Variants in MYH15 observed in about 807,000 individuals in gnomAD.
MYH15 encodes the protein myosin heavy chain 15.
In MYH15, 227 loss-of-function variants were observed where a neutral mutation model predicts 240.5. The ratio of observed to expected loss-of-function variants is 0.94; its 90% CI spans 0.85 to 1.05. The LOEUF (loss-of-function observed/expected upper bound fraction) is 1.05, where lower values mean the gene tolerates loss of function less well. MYH15 is among the 50% of genes least tolerant of loss of function. MYH15 has a pLI of 0.00. For synonymous variants in MYH15, 785 were observed against 796.7 expected (o/e 0.99, Z 0.25); for missense variants, 2,217 against 2,247.5 (o/e 0.99, Z 0.27).
rs1166805441 is a variant in MYH15, at chr3:108,391,816, C to G, written c.5374G>C (p.Ala1792Pro). ...ITDLQKRLAEAEQMALMGSRK... is the reference protein window; with the variant it reads ...ITDLQKRLAEPEQMALMGSRK... ...CTCCCCATCAGGGCCATCTGTTCAG[C>G]TTCAGCCAGCCTTTTCTGTAAGTCT... The change falls in exon 37 of 41, where the codon GCT becomes CCT. Residue 1792 changes from alanine to proline, a missense_variant. Physicochemically the swap from Ala to Pro is conservative, Grantham distance 27. Transcript: ENST00000693548. 1.2e-6 allele frequency: 2 copies of G among 1,614,016 alleles called. No individual in the cohort carries two copies. Among genetic ancestry groups the G allele is most frequent in the Non-Finnish European group, 1.7e-6 (2 of 1,180,012 alleles).
At chr3:108,381,737 TG>T (rs1376026613) in intron 40 of MYH15, among the ~76,000 whole-genome samples, 178 bp from the exon 41 acceptor site, 1 of 152,196 alleles carries the variant, frequency 6.6e-6, no homozygotes, top group African/African-American at 2.4e-5. Flanking sequence ...AAGCAGACCC[TG>T]GTAATTCACC....
At chr3:108,480,027 TAAAC>T (rs1181903043) in intron 11 of MYH15, among the ~76,000 whole-genome samples, 2 of 151,996 alleles carry the variant, frequency 1.3e-5, no homozygotes, top group African/African-American at 4.8e-5. Flanking sequence ...AGAAGATAAA[TAAAC>T]AAGGCAAAAA....
rs778530962 is a variant in MYH15 at position 108,383,748 on chromosome 3, A to AG, written c.5632-20_5632-19insC. ...GTGTTTCCTATAAAAATAAAAAAAA[A>AG]AAAAAAGAAATCTCCATGCCTATAT... On this transcript the variant is annotated intron_variant, in intron 39 of 40. Transcript: ENST00000693548. The AG allele has an allele frequency of 2.6e-6, 4 of 1,536,374 alleles. No individual in the cohort carries two copies. The highest frequency in any genetic ancestry group is 2.8e-5 in the African/African-American group (2 of 71,214).
At chr3:108,385,250 A>T (rs2082372770) in intron 38 of MYH15, among the ~76,000 whole-genome samples, 1 of 152,236 alleles carries the variant, frequency 6.6e-6, no homozygotes, top group Non-Finnish European at 1.5e-5. Context: ...TAAAAGCCAC[A>T]TATGCAAAAC....
At position 108,451,113 on chromosome 3, in the gene MYH15, C is replaced by A. The variant is rs529366423; in HGVS notation, c.2399+2893G>T. Among the ~76,000 whole-genome samples, 11 of 152,320 alleles carry A rather than the reference C, an allele frequency of 7.2e-5. No individual in the cohort carries two copies. In the South Asian group the frequency reaches 2.1e-3, roughly 29 times the overall value. On this transcript the variant is annotated intron_variant, in intron 21 of 40. Transcript: ENST00000693548. ...AAAATAATAAGGCCAGGTACAGTGGCTCATGCCTGTAATCCCAACACTTTG... is the reference window on the plus strand; with the variant it reads ...AAAATAATAAGGCCAGGTACAGTGGATCATGCCTGTAATCCCAACACTTTG...
chr3:108,529,112 A>G, intron 1 of MYH15: 1 of 671,810 alleles, frequency 1.5e-6, no homozygotes, highest in Non-Finnish European at 2.4e-6. Context: ...ATGATCACTC[A>G]GAAATTACAT....
intron 33 of MYH15, among the ~76,000 whole-genome samples, chr3:108,401,525 C>A (rs554329872): frequency 6.6e-6 from 1 of 152,316 alleles, no homozygotes; most frequent in South Asian, 2.1e-4. Context: ...CATAGTAAAC[C>A]AATACAGGGA....
In MYH15 at chr3:108,410,711, T is replaced by C; in HGVS notation, c.4367A>G (p.Gln1456Arg). The C allele has an allele frequency of 6.2e-7, 1 of 1,614,182 alleles. No homozygotes were observed. The highest frequency in any genetic ancestry group is 2.2e-5 in the East Asian group (1 of 44,876). ...CTTCTGAGAGGCATCCAGCAACGCC[T>C]GGGACTCCTCGTGCTTCTGCTTCCA... is the stretch of plus-strand genomic sequence containing the variant. ...ADWKQKHEESQALLDASQKEV... is the reference protein window; with the variant it reads ...ADWKQKHEESRALLDASQKEV... Residue 1456 changes from glutamine (Q) to arginine (R), a missense_variant, in exon 31 of 41, where the codon CAG becomes CGG. Physicochemically the swap from Gln to Arg is conservative, Grantham distance 43. Transcript: ENST00000693548.
At chr3:108,514,796 C>T (rs566043831), upstream of MYH15, among the ~76,000 whole-genome samples, 9 of 152,188 alleles carry the variant, frequency 5.9e-5, no homozygotes, top group East Asian at 9.7e-4. Context: ...TGAGAAAACA[C>T]GTTCCTCACA....
chr3:108,463,013 AACATAT>A (rs2083084058), intron 16 of MYH15, 92 bp downstream of exon 16: 1 of 1,379,116 alleles, frequency 7.3e-7, no homozygotes, highest in African/African-American at 1.5e-5. Flanking sequence ...AGGGAGCAGA[AACATAT>A]CACAGGAAAG....
rs2082595738 is a variant in MYH15 at position 108,411,850 on chromosome 3, CT to C, written c.4146-919del. Among the ~76,000 whole-genome samples the C allele has an allele frequency of 3.3e-5, 5 of 152,300 alleles. No homozygotes were observed. In the South Asian group the frequency reaches 1.0e-3, roughly 32 times the overall value. ...CAGAGGAATGTGGTAATAAAGTCCC[CT>C]TTTGGTGGAATCCTGCAAAAACCCC... On this transcript the variant is annotated intron_variant, in intron 30 of 40. Coordinates refer to ENST00000693548, the MANE Select transcript of MYH15 (RefSeq NM_014981.3).
chr3:108,460,149 G>T, intron 17 of MYH15, 151 bp downstream of exon 17: 1 of 616,488 alleles, frequency 1.6e-6, no homozygotes, highest in Non-Finnish European at 2.7e-6. Flanking sequence ...GTCCTCTAAA[G>T]CCCTTGATAA....
intron 24 of MYH15, among the ~76,000 whole-genome samples, chr3:108,438,030 A>G (rs1383443526): frequency 6.6e-6 from 1 of 152,196 alleles, no homozygotes; most frequent in Non-Finnish European, 1.5e-5. Flanking sequence ...GGCTCATTTC[A>G]CGGGTGGATA....
chr3:108,440,670 A>G (rs941420140), intron 23 of MYH15, among the ~76,000 whole-genome samples: 1 of 149,440 alleles, frequency 6.7e-6, no homozygotes, highest in Non-Finnish European at 1.5e-5. Flanking sequence ...ATCTTTTAGC[A>G]AACCATATCA....
intron 29 of MYH15, among the ~76,000 whole-genome samples, chr3:108,416,445 T>G (rs1033872430): frequency 6.6e-6 from 1 of 152,232 alleles, no homozygotes; most frequent in Non-Finnish European, 1.5e-5. Flanking sequence ...TTATTGACAA[T>G]TTAAAAGTAA....
Position 108,463,166 on chromosome 3 carries a change from C to T in MYH15, c.1809G>A (p.Lys603=), listed in dbSNP as rs1488984145. 3.1e-6 allele frequency: 5 copies of T among 1,613,314 alleles called. No individual in the cohort carries two copies. Among genetic ancestry groups the T allele is most frequent in the Non-Finnish European group, 4.2e-6 (5 of 1,179,604 alleles). ...GGCTCGCCAGGAGTCTGTTGGAAGA[C>T]TTCTGAAATACAGCTACCACTGTTT... ...LNETVVAVFQ[K]SSNRLLASLF... The change falls in exon 16 of 41, where the codon AAG becomes AAA. Residue 603 remains lysine, a synonymous_variant. Transcript: ENST00000693548.
chr3:108,508,228 GTC>G (rs953525702), intron 1 of MYH15, among the ~76,000 whole-genome samples: 53 of 152,218 alleles, frequency 3.5e-4, no homozygotes, highest in African/African-American at 1.3e-3. Flanking sequence ...TCATGATGAA[GTC>G]TCTCTCTTAC....
At chr3:108,504,036 A>C (rs1021394235) in intron 2 of MYH15, among the ~76,000 whole-genome samples, 6 of 152,246 alleles carry the variant, frequency 3.9e-5, no homozygotes, top group African/African-American at 1.4e-4. Flanking sequence ...TTAGTGAAAG[A>C]AGCCAGAAAC....
chr3:108,457,058 C>A (rs1229388456), intron 18 of MYH15, among the ~76,000 whole-genome samples, 175 bp from the exon 19 acceptor site: 1 of 152,158 alleles, frequency 6.6e-6, no homozygotes, highest in East Asian at 1.9e-4. Context: ...AGTAATCATC[C>A]TATTATGTAG....
Sources: gnomAD v4.1 joint callset for allele counts (sites outside exome capture counted in the v4.1 genomes callset) on GRCh38, gnomAD v4.1.1 for gene constraint, MANE v1.5 for transcripts, NCBI Gene and HGNC (gene_info 2026-07-23, HGNC 2026-07-21) for gene names.